TEX15: variants seen among roughly 807,000 people sequenced by gnomAD.
The protein encoded by TEX15 is testis-expressed protein 15.
Under a neutral mutation model 237.3 loss-of-function variants are expected in TEX15, and 171 were observed. The ratio of observed to expected loss-of-function variants is 0.72; its 90% CI spans 0.64 to 0.82. TEX15 has a LOEUF of 0.82. Among genes scored for constraint, TEX15 ranks in the 40% least tolerant of loss-of-function variants. The probability of loss-of-function intolerance (pLI) is 0.00; values close to 1 mark genes in which losing one functional copy is unlikely to be tolerated. For missense variants in TEX15, 3,750 were observed against 3,646.5 expected, an observed-to-expected ratio of 1.03 and a Z score of -0.73; for synonymous variants, 1,338 against 1,269.8, an observed-to-expected ratio of 1.05 and a Z score of -1.14.
chr8:30,842,227 T>C lies in TEX15; in HGVS notation c.7940A>G (p.Lys2647Arg), dbSNP rs1369944177. 2 of 1,612,648 alleles carry C rather than the reference T, an allele frequency of 1.2e-6. No individual in the cohort carries two copies. Among genetic ancestry groups the C allele is most frequent in the South Asian group, 1.1e-5 (1 of 90,654 alleles). The change falls in exon 8 of 11, where the codon AAG becomes AGG. Residue 2647 changes from lysine (K) to arginine (R), a missense_variant. Physicochemically the swap from Lys to Arg is conservative, Grantham distance 26. Transcript: ENST00000643185. ...FLCQMLYNRRKILQLKRKEKM... is the reference protein window; with the variant it reads ...FLCQMLYNRRRILQLKRKEKM... ...TTCTTTTCTCTTCAGCTGTAAAATC[T>C]TCCTTCTGTTATACAGCATTTGGCA...
chr8:30,855,676 A>G (rs1373036846), intron 7 of TEX15, among the ~76,000 whole-genome samples: 1 of 152,224 alleles, frequency 6.6e-6, no homozygotes, highest in Non-Finnish European at 1.5e-5. Flanking sequence ...AATTGTCAAA[A>G]GATGGAAACA....
chr8:30,878,849 G>A (rs1808459616), intron 3 of TEX15, among the ~76,000 whole-genome samples: 2 of 152,202 alleles, frequency 1.3e-5, no homozygotes, highest in Admixed American at 6.5e-5. Flanking sequence ...TAAAGATGAT[G>A]CCAAATTGTT....
rs768740482 is a variant in TEX15, at chr8:30,845,102, C to G, written c.5065G>C (p.Glu1689Gln). ...NLEVKWTDPI[E>Q]RPKQNIITGN... is the part of the protein sequence containing the mutation. ...GTAATAATGTTTTGTTTGGGTCTCT[C>G]AATAGGATCTGTCCACTTTACTTCC... The change falls in exon 8 of 11, where the codon GAG becomes CAG. Residue 1689 changes from glutamate to glutamine, a missense_variant. By Grantham distance (29) the Glu-to-Gln change is conservative. Coordinates refer to ENST00000643185, the MANE Select transcript of TEX15 (RefSeq NM_001350162.2). The G allele has an allele frequency of 6.2e-7, 1 of 1,613,526 alleles. No homozygotes were observed. The highest frequency in any genetic ancestry group is 8.5e-7 in the Non-Finnish European group (1 of 1,179,512).
At position 30,842,637 on chromosome 8, in the gene TEX15, C is replaced by CAAT; in HGVS notation, c.7529_7530insATT (p.Val2510_Ile2511insLeu). ...TAAGTTCGGAAACAGCAGTCTCTAT[C>CAAT]ACTTTCCAAAGGCAAACATCTGTTG... is the stretch of plus-strand genomic sequence containing the variant. On this transcript the variant is annotated inframe_insertion, in exon 8 of 11. Coordinates refer to ENST00000643185, the MANE Select transcript of TEX15 (RefSeq NM_001350162.2). 1 of 1,612,024 alleles carries CAAT rather than the reference C, an allele frequency of 6.2e-7. No homozygotes were observed.
intron 7 of TEX15, among the ~76,000 whole-genome samples, chr8:30,853,277 A>C (rs1237274172): frequency 6.6e-6 from 1 of 152,206 alleles, no homozygotes; most frequent in Non-Finnish European, 1.5e-5. Flanking sequence ...CAACCTATAA[A>C]ACAAGTAGGT....
At chr8:30,902,671 A>C (rs896465415) in intron 1 of TEX15, among the ~76,000 whole-genome samples, 1 of 152,230 alleles carries the variant, frequency 6.6e-6, no homozygotes, top group Non-Finnish European at 1.5e-5. Context: ...GGGATTGGTG[A>C]TTCTCCAACT....
In TEX15 at chr8:30,850,185, C is replaced by T. The variant is rs542219701; in HGVS notation, c.851-869G>A. 3.3e-5 allele frequency among the ~76,000 whole-genome samples: 5 copies of T among 152,062 alleles called. No homozygotes were observed. The East Asian group carries it at 7.7e-4, about 24-fold the overall frequency. ...CCAGGAGCCAAAGCAAACTACTATT[C>T]GTCTTTTGCAGTGAAATGAATGTTC... On this transcript the variant is annotated intron_variant, in intron 7 of 10. Coordinates refer to ENST00000643185, the MANE Select transcript of TEX15 (RefSeq NM_001350162.2).
chr8:30,854,870 C>T (rs777046934), intron 7 of TEX15, among the ~76,000 whole-genome samples: 1 of 151,920 alleles, frequency 6.6e-6, no homozygotes, highest in Admixed American at 6.6e-5. Flanking sequence ...ATAAAAACAA[C>T]AACAAAAAAA....
At chr8:30,879,191 A>C (rs1808468125) in intron 3 of TEX15, among the ~76,000 whole-genome samples, 1 of 152,058 alleles carries the variant, frequency 6.6e-6, no homozygotes, top group African/African-American at 2.4e-5. Flanking sequence ...GTCCTTGCTC[A>C]GATAAACGAT....
intron 2 of TEX15, among the ~76,000 whole-genome samples, chr8:30,898,277 AGGCCTT>A (rs1268316688): frequency 1.1e-4 from 16 of 152,212 alleles, no homozygotes; most frequent in Non-Finnish European, 2.1e-4. Context: ...TTAAGAGGTG[AGGCCTT>A]TGGAGATGAT....
chr8:30,841,938 T>C (rs900247858), intron 8 of TEX15, 66 bp downstream of exon 8: 15 of 1,161,610 alleles, frequency 1.3e-5, no homozygotes, highest in African/African-American at 6.2e-5. Context: ...AACTACTTGT[T>C]TGCTTATGAG....
chr8:30,861,831 C>A (rs1239033594), intron 5 of TEX15, among the ~76,000 whole-genome samples: 1 of 151,900 alleles, frequency 6.6e-6, no homozygotes, highest in Non-Finnish European at 1.5e-5. Context: ...CACCAGTCAA[C>A]GCAGAAAAAG....
chr8:30,903,224 C>T (rs1809038510), intron 1 of TEX15, among the ~76,000 whole-genome samples: 1 of 152,126 alleles, frequency 6.6e-6, no homozygotes, highest in Non-Finnish European at 1.5e-5. Flanking sequence ...CAAGGAGGAT[C>T]CTGTATCTAT....
At chr8:30,905,264 C>CA (rs34972353) in intron 1 of TEX15, among the ~76,000 whole-genome samples, 3,515 of 104,088 alleles carry the variant, frequency 0.034, 49 homozygotes, top group Middle Eastern at 0.085. Flanking sequence ...AAAAAGACTT[C>CA]AAAAAAAAAA....
intron 3 of TEX15, among the ~76,000 whole-genome samples, chr8:30,884,633 T>C (rs1233565935): frequency 6.6e-6 from 1 of 152,194 alleles, no homozygotes; most frequent in Non-Finnish European, 1.5e-5. Context: ...GAGTTGTTCA[T>C]AGTATCCCTT....
At chr8:30,889,938 T>TACATATATAC (rs1808752777) in intron 2 of TEX15, among the ~76,000 whole-genome samples, 11 of 128,158 alleles carry the variant, frequency 8.6e-5, no homozygotes, top group Admixed American at 4.1e-4. Flanking sequence ...TATATACATA[T>TACATATATAC]ATATATATAT....
chr8:30,845,971 T>C lies in TEX15; in HGVS notation c.4196A>G (p.Gln1399Arg). The C allele has an allele frequency of 6.2e-7, 1 of 1,613,028 alleles. No individual in the cohort carries two copies. The highest frequency in any genetic ancestry group is 8.5e-7 in the Non-Finnish European group (1 of 1,179,532). Reference sequence around the variant, plus strand: ...TTCTTCTCCTACTTTAGTTATAAGCTGCAAAGATGTGTGAACTCTTCTATG... The same window carrying C: ...TTCTTCTCCTACTTTAGTTATAAGCCGCAAAGATGTGTGAACTCTTCTATG... The part of the protein sequence containing the change: ...KAHRRVHTSL[Q>R]LITKVGEERK... The change falls in exon 8 of 11, where the codon CAG becomes CGG. Residue 1399 changes from glutamine (Q) to arginine (R), a missense_variant. Transcript: ENST00000643185.
chr8:30,854,876 A>C (rs1363852469), intron 7 of TEX15, among the ~76,000 whole-genome samples: 5 of 152,190 alleles, frequency 3.3e-5, no homozygotes, highest in Non-Finnish European at 5.9e-5. Context: ...ACAACAACAA[A>C]AAAAGTCACA....
chr8:30,896,738 C>T (rs1452121502), intron 2 of TEX15, among the ~76,000 whole-genome samples: 1 of 152,158 alleles, frequency 6.6e-6, no homozygotes, highest in Non-Finnish European at 1.5e-5. Flanking sequence ...CACTACACAT[C>T]TCTAAACCCT....
Sources: gnomAD v4.1 joint callset for allele counts (sites outside exome capture counted in the v4.1 genomes callset) on GRCh38, gnomAD v4.1.1 for gene constraint, MANE v1.5 for transcripts, NCBI Gene and HGNC (gene_info 2026-07-23, HGNC 2026-07-21) for gene names.